The following TMTC2 variants were observed in gnomAD, a reference collection of about 807,000 sequenced individuals.
TMTC2 encodes the protein protein O-mannosyl-transferase TMTC2.
In TMTC2, 43 loss-of-function variants were observed where a neutral mutation model predicts 82.4. That is an observed-to-expected ratio of 0.52 (90% CI 0.41 to 0.67). The LOEUF (loss-of-function observed/expected upper bound fraction) is 0.67, where lower values mean the gene tolerates loss of function less well. Ranked by LOEUF, TMTC2 falls within the 30% of genes least tolerant of loss-of-function variation. The probability of loss-of-function intolerance (pLI) is 0.00; values close to 1 mark genes in which losing one functional copy is unlikely to be tolerated. For synonymous variants in TMTC2, 408 were observed against 381.9 expected, an observed-to-expected ratio of 1.07 and a Z score of -0.80; for missense variants, 919 against 1,012.4, an observed-to-expected ratio of 0.91 and a Z score of 1.25.
At chr12:82,858,093 G>C (rs1305101608) in intron 2 of TMTC2, among the ~76,000 whole-genome samples, 2 of 152,050 alleles carry the variant, frequency 1.3e-5, no homozygotes, top group East Asian at 3.9e-4. Flanking sequence ...CCTTTTTCTC[G>C]TGATAGTGCA....
At chr12:82,881,658 A>G (rs1376992457) in intron 2 of TMTC2, among the ~76,000 whole-genome samples, 2 of 152,194 alleles carry the variant, frequency 1.3e-5, no homozygotes, top group Non-Finnish European at 2.9e-5. Context: ...AATAATTTCT[A>G]TGTCAACATA....
chr12:82,848,248 T>C (rs751359205), intron 1 of TMTC2, among the ~76,000 whole-genome samples: 3 of 152,148 alleles, frequency 2.0e-5, no homozygotes, highest in Non-Finnish European at 4.4e-5. Flanking sequence ...ATATCAGACT[T>C]GCCATGCTCT....
intron 7 of TMTC2, among the ~76,000 whole-genome samples, chr12:82,980,712 A>T (rs372886213): frequency 6.6e-6 from 1 of 151,786 alleles, no homozygotes; most frequent in African/African-American, 2.4e-5. Context: ...AAACGTGTAT[A>T]ATTTTTTGAG....
At chr12:82,970,523 C>T (rs10778919) in intron 7 of TMTC2, among the ~76,000 whole-genome samples, 109,338 of 146,702 alleles carry the variant, frequency 0.75, 42,303 homozygotes, top group South Asian at 0.9. Context: ...TTAGTAGAGA[C>T]GGGGTTTCAC....
intron 8 of TMTC2, among the ~76,000 whole-genome samples, chr12:82,995,989 G>A (rs772916127): frequency 6.6e-6 from 1 of 151,898 alleles, no homozygotes; most frequent in Non-Finnish European, 1.5e-5. Flanking sequence ...ATACATATGT[G>A]GTATCTCATG....
chr12:82,764,121 GATATAC>G (rs752610833), intron 1 of TMTC2, among the ~76,000 whole-genome samples: 46 of 152,070 alleles, frequency 3.0e-4, no homozygotes, highest in African/African-American at 1.1e-3. Flanking sequence ...TAACTACACA[GATATAC>G]ATATACACAC....
At chr12:82,937,106 A>G (rs541771685) in intron 4 of TMTC2, among the ~76,000 whole-genome samples, 3 of 152,188 alleles carry the variant, frequency 2.0e-5, no homozygotes, top group East Asian at 3.9e-4. Context: ...ACACATTTAT[A>G]TTAGGGTTGA....
chr12:82,810,080 A>G (rs1219285019), intron 1 of TMTC2, among the ~76,000 whole-genome samples: 1 of 152,050 alleles, frequency 6.6e-6, no homozygotes, highest in African/African-American at 2.4e-5. Flanking sequence ...GCATAATGAT[A>G]CTATTGTTTT....
At chr12:82,695,691 C>T (rs1872755002) in intron 1 of TMTC2, among the ~76,000 whole-genome samples, 1 of 152,168 alleles carries the variant, frequency 6.6e-6, no homozygotes, top group Non-Finnish European at 1.5e-5. Flanking sequence ...GTTGTCAGTG[C>T]ATGTAGAAGT....
At chr12:82,845,459 G>T (rs1370913558) in intron 1 of TMTC2, among the ~76,000 whole-genome samples, 1 of 151,694 alleles carries the variant, frequency 6.6e-6, no homozygotes, top group Non-Finnish European at 1.5e-5. Context: ...AGTGGTTCAT[G>T]TATAGTACCT....
intron 1 of TMTC2, among the ~76,000 whole-genome samples, chr12:82,743,371 C>G (rs1875517269): frequency 6.7e-6 from 1 of 150,196 alleles, no homozygotes; most frequent in African/African-American, 2.5e-5. Context: ...AACTGGGACC[C>G]AGGAGGCAGA....
Position 82,953,864 on chromosome 12 carries a change from A to G in TMTC2, c.1599-11160A>G, listed in dbSNP as rs7136100. On this transcript the variant is annotated intron_variant, in intron 4 of 11. Transcript: ENST00000321196. ...AGAAAAAAAAAAAACCCTTAGTTTC[A>G]TAGTCCTTATGTGTGTTAAAGGACA... Among the ~76,000 whole-genome samples, 1,485 of 151,852 alleles carry G rather than the reference A, an allele frequency of 9.8e-3. 33 individuals carry two copies. Among genetic ancestry groups the G allele is most frequent in the African/African-American group, 0.034 (1,415 of 41,472 alleles).
In TMTC2 at chr12:83,132,619, A is replaced by G; in HGVS notation, c.*230A>G. 1 of 489,712 alleles carries G rather than the reference A, an allele frequency of 2.0e-6. No individual in the cohort carries two copies. The highest frequency in any genetic ancestry group is 3.5e-6 in the Non-Finnish European group (1 of 283,642). The allele number at this position is 489,712 out of a possible 1,614,324, so 30.3% of individuals were successfully genotyped here. On this transcript the variant is annotated 3_prime_UTR_variant, in exon 12 of 12. Coordinates refer to ENST00000321196, the MANE Select transcript of TMTC2 (RefSeq NM_152588.3). ...TGGAGGATGTCATTGTTACCCATAGACTGTAAACCAGAGCACTTAAAACAG... is the reference window on the plus strand; with the variant it reads ...TGGAGGATGTCATTGTTACCCATAGGCTGTAAACCAGAGCACTTAAAACAG...
intron 1 of TMTC2, among the ~76,000 whole-genome samples, chr12:82,853,303 A>G (rs908278580): frequency 3.3e-5 from 5 of 152,200 alleles, no homozygotes; most frequent in Middle Eastern, 3.4e-3. Context: ...GGGTTTCACC[A>G]TGTTGGTCAG....
At chr12:82,821,913 A>G (rs1206283608) in intron 1 of TMTC2, among the ~76,000 whole-genome samples, 3 of 150,558 alleles carry the variant, frequency 2.0e-5, no homozygotes, top group Non-Finnish European at 4.4e-5. Flanking sequence ...AAAAAGCTAG[A>G]TGTGTCCTCT....
At chr12:82,695,759 T>C (rs1872758563) in intron 1 of TMTC2, among the ~76,000 whole-genome samples, 1 of 152,174 alleles carries the variant, frequency 6.6e-6, no homozygotes, top group Admixed American at 6.5e-5. Flanking sequence ...GCTATAGAGA[T>C]TACATTCATA....
intron 1 of TMTC2, among the ~76,000 whole-genome samples, chr12:82,838,607 T>C (rs1870173621): frequency 6.6e-6 from 1 of 152,200 alleles, no homozygotes; most frequent in Non-Finnish European, 1.5e-5. Flanking sequence ...TTGATCTTTA[T>C]ATGTGTGAAC....
intron 11 of TMTC2, among the ~76,000 whole-genome samples, chr12:83,076,627 C>T (rs1365193855): frequency 2.0e-5 from 3 of 152,176 alleles, no homozygotes; most frequent in East Asian, 3.9e-4. Flanking sequence ...CCCCCATCGC[C>T]GGTCACCACA....
chr12:82,933,589 T>G (rs1206226985), intron 4 of TMTC2, among the ~76,000 whole-genome samples: 1 of 152,168 alleles, frequency 6.6e-6, no homozygotes, highest in Non-Finnish European at 1.5e-5. Context: ...TAGCATGCAT[T>G]AATCACTTGT....
Sources: allele counts gnomAD v4.1 joint callset (sites outside exome capture counted in the v4.1 genomes callset), GRCh38; gene constraint gnomAD v4.1.1; transcripts MANE v1.5; gene names NCBI Gene and HGNC (gene_info 2026-07-23, HGNC 2026-07-21).